IGFN1: variants seen among roughly 807,000 people sequenced by gnomAD.
IGFN1 encodes immunoglobulin like and fibronectin type III domain containing 1.
In IGFN1, 253 loss-of-function variants were observed where a neutral mutation model predicts 289.5. That is an observed-to-expected ratio of 0.87 (90% confidence interval 0.79 to 0.97). The LOEUF is 0.97. IGFN1 is among the 50% of genes least tolerant of loss of function. The probability of loss-of-function intolerance (pLI) is 0.00; values close to 1 mark genes in which losing one functional copy is unlikely to be tolerated. For missense variants in IGFN1, 4,470 were observed against 4,686.1 expected, an observed-to-expected ratio of 0.95 and a Z score of 1.35; for synonymous variants, 1,706 against 1,788.5, an observed-to-expected ratio of 0.95 and a Z score of 1.16.
intron 18 of IGFN1, among the ~76,000 whole-genome samples, chr1:201,219,551 C>T (rs1488160501): frequency 1.3e-5 from 2 of 152,196 alleles, no homozygotes; most frequent in Non-Finnish European, 2.9e-5. Context: ...CTATTAAAAG[C>T]GTCACTCCAA....
rs1360743017 is a variant in IGFN1, at chr1:201,211,257, G to A, written c.6364G>A (p.Ala2122Thr). ...APEGIGSGSK[A>T]GFRDGLGSST... is the part of the protein sequence containing the mutation. ...TGAGGGAATAGGTTCAGGAAGTAAG[G>A]CAGGTTTTAGGGATGGTTTAGGGAG... Residue 2122 changes from alanine to threonine, a missense_variant, in exon 12 of 24, where the codon GCA becomes ACA. Ala to Thr is a moderately conservative substitution (Grantham distance 58, BLOSUM62 0). Coordinates refer to ENST00000335211, the MANE Select transcript of IGFN1 (RefSeq NM_001164586.2). The A allele has an allele frequency of 4.6e-6, 7 of 1,530,552 alleles. No homozygotes were observed. Among genetic ancestry groups the A allele is most frequent in the East Asian group, 2.5e-5 (1 of 40,448 alleles). The allele number at this position is 1,530,552 out of a possible 1,614,324, so 94.8% of individuals were successfully genotyped here.
rs577651874 is a variant in IGFN1, at chr1:201,199,636, G to A, written c.440G>A (p.Arg147Gln). 115 of 1,551,538 alleles carry A rather than the reference G, an allele frequency of 7.4e-5. 1 individual carries two copies. Among genetic ancestry groups the A allele is most frequent in the East Asian group, 5.4e-4 (22 of 40,904 alleles). Reference protein sequence around the residue: ...EDLRKELMDFRKLLKKRAPPA... With the variant: ...EDLRKELMDFQKLLKKRAPPA... ...CTCAGGAAGGAGCTGATGGACTTCCGGAAGTTGCTGAAAAAGAGGTGGGTT... is the reference window on the plus strand; with the variant it reads ...CTCAGGAAGGAGCTGATGGACTTCCAGAAGTTGCTGAAAAAGAGGTGGGTT... The change falls in exon 7 of 24, where the codon CGG (arginine) becomes CAG (glutamine). Residue 147 changes from arginine to glutamine, a missense_variant. Physicochemically the swap from Arg to Gln is conservative, Grantham distance 43. This residue lies in a region of IGFN1 where 2,011 missense variants were observed against 1,953.4 expected (regional missense o/e 1.03). Transcript: ENST00000335211.
At chr1:201,223,922 A>G (rs549271356) in intron 20 of IGFN1, among the ~76,000 whole-genome samples, 2 of 152,344 alleles carry the variant, frequency 1.3e-5, no homozygotes, top group Admixed American at 1.3e-4. Context: ...CAATAATGAC[A>G]ATGATAATGA....
intron 19 of IGFN1, chr1:201,222,536 A>G (rs1653798171): frequency 4.3e-6 from 2 of 468,136 alleles, no homozygotes. Flanking sequence ...CCCCGCTAGC[A>G]TCTCCCCATC....
chr1:201,204,039 C>T (rs1367472885), intron 10 of IGFN1, 133 bp downstream of exon 10: 5 of 846,258 alleles, frequency 5.9e-6, no homozygotes, highest in Non-Finnish European at 9.0e-6. Flanking sequence ...GAGAGGGACA[C>T]ATACCTAGAT....
Position 201,221,756 on chromosome 1 carries a change from G to T in IGFN1, c.10201+10G>T. On this transcript the variant is annotated intron_variant, in intron 19 of 23. Coordinates refer to ENST00000335211, the MANE Select transcript of IGFN1 (RefSeq NM_001164586.2). ...GCCATGCCTGTTACTGGTGAGTGCT[G>T]CCTCCTTCCCCGACCCCTGAGCCCT... 1 of 1,566,274 alleles carries T rather than the reference G, an allele frequency of 6.4e-7. No homozygotes were observed. The highest frequency in any genetic ancestry group is 8.7e-7 in the Non-Finnish European group (1 of 1,152,508).
chr1:201,206,816 G>T lies in IGFN1; in HGVS notation c.1923G>T (p.Gly641=), dbSNP rs778950295. The change falls in exon 12 of 24, where the codon GGG becomes GGT. Residue 641 remains glycine (G), a synonymous_variant. Coordinates refer to ENST00000335211, the MANE Select transcript of IGFN1 (RefSeq NM_001164586.2). ...ACAGCCTGGCTGAGATGGACAGAGG[G>T]GATGCTCCAAGTAGGGAAAGGGGGA... The part of the protein sequence containing the change: ...QDDSLAEMDR[G]DAPSRERGRG... The T allele has an allele frequency of 2.1e-5, 32 of 1,536,874 alleles. No individual in the cohort carries two copies. Among genetic ancestry groups the T allele is most frequent in the Admixed American group, 2.0e-4 (10 of 50,974 alleles).
chr1:201,209,023 A>G lies in IGFN1; in HGVS notation c.4130A>G (p.Asp1377Gly), dbSNP rs751143381. 1.7e-5 allele frequency: 26 copies of G among 1,536,178 alleles called. No individual in the cohort carries two copies. The highest frequency in any genetic ancestry group is 2.1e-5 in the Non-Finnish European group (24 of 1,146,686). The change falls in exon 12 of 24, where the codon GAT (aspartate) becomes GGT (glycine). Residue 1377 changes from aspartate to glycine, a missense_variant. Coordinates refer to ENST00000335211, the MANE Select transcript of IGFN1 (RefSeq NM_001164586.2). Reference protein sequence around the residue: ...SREIGSMDETDNRKDLGVPEG... With the variant: ...SREIGSMDETGNRKDLGVPEG... ...GAAATCGGGTCAATGGATGAAACAGATAATAGGAAAGATTTGGGGGTTCCT... is the reference window on the plus strand; with the variant it reads ...GAAATCGGGTCAATGGATGAAACAGGTAATAGGAAAGATTTGGGGGTTCCT...
chr1:201,194,329 C>G, intron 3 of IGFN1, 56 bp downstream of exon 3: 1 of 1,540,140 alleles, frequency 6.5e-7, no homozygotes, highest in Non-Finnish European at 8.8e-7. Flanking sequence ...TCCTACCTCC[C>G]AGGGGAGAGG....
In IGFN1 at chr1:201,212,422, G is replaced by C. The variant is rs1195340158; in HGVS notation, c.7529G>C (p.Arg2510Thr). ...TCTTCTAGAGACAGAGGGGCTCCCA[G>C]GGTGAAGGATAGGTCTCCAGACCAA... is the stretch of plus-strand genomic sequence containing the variant. ...PGSSRDRGAP[R>T]VKDRSPDQAG... Residue 2510 changes from arginine (R) to threonine (T), a missense_variant, in exon 12 of 24, where the codon AGG becomes ACG. Physicochemically the swap from Arg to Thr is moderately conservative, Grantham distance 71. Transcript: ENST00000335211. 3 of 1,537,104 alleles carry C rather than the reference G, an allele frequency of 2.0e-6. No homozygotes were observed. Among genetic ancestry groups the C allele is most frequent in the African/African-American group, 1.4e-5 (1 of 73,134 alleles).
chr1:201,194,212 C>G lies in IGFN1; in HGVS notation c.66C>G (p.Ile22Met). Reference protein sequence around the residue: ...GVSIWQLVEEIPEGCSTPDFE... With the variant: ...GVSIWQLVEEMPEGCSTPDFE... ...GCATCTGGCAGCTGGTGGAGGAGAT[C>G]CCTGAAGGCTGCAGCACGCCGGACT... is the stretch of plus-strand genomic sequence containing the variant. Residue 22 changes from isoleucine to methionine, a missense_variant, in exon 3 of 24, where the codon ATC becomes ATG. By Grantham distance (10) the Ile-to-Met change is conservative. This residue lies in a region of IGFN1 where 2,011 missense variants were observed against 1,953.4 expected (regional missense o/e 1.03). Transcript: ENST00000335211. 1 of 1,551,648 alleles carries G rather than the reference C, an allele frequency of 6.4e-7. No homozygotes were observed. Among genetic ancestry groups the G allele is most frequent in the Non-Finnish European group, 8.7e-7 (1 of 1,146,958 alleles).
chr1:201,196,490 A>C (rs1031465986), intron 4 of IGFN1, among the ~76,000 whole-genome samples: 1 of 152,130 alleles, frequency 6.6e-6, no homozygotes, highest in Non-Finnish European at 1.5e-5. Context: ...GATTACAGGC[A>C]TGCGCCATCA....
At chr1:201,226,793 A>C in intron 22 of IGFN1, 89 bp from the exon 23 acceptor site, 2 of 993,388 alleles carry the variant, frequency 2.0e-6, no homozygotes, top group Non-Finnish European at 3.0e-6. Context: ...CCTACATGGT[A>C]GCTTCATGAA....
At chr1:201,214,113 G>A (rs1179403425) in intron 12 of IGFN1, 64 bp from the exon 13 acceptor site, 20 of 1,484,790 alleles carry the variant, frequency 1.3e-5, no homozygotes, top group Admixed American at 2.3e-5. Context: ...GTGGCCTTGC[G>A]GGGCACAGCG....
At position 201,227,188 on chromosome 1, in the gene IGFN1, C is replaced by A; in HGVS notation, c.11093C>A (p.Thr3698Asn). ...AENTLGQAVS[T>N]ATLIVIEPST ...AACACGCTGGGCCAGGCAGTCAGCA[C>A]TGCCACCCTCATTGTCATAGGTAAT... The change falls in exon 23 of 24, where the codon ACT becomes AAT. Residue 3698 changes from threonine (T) to asparagine (N), a missense_variant. Thr to Asn is a moderately conservative substitution (Grantham distance 65). Transcript: ENST00000335211. 1 of 1,598,990 alleles carries A rather than the reference C, an allele frequency of 6.3e-7. No homozygotes were observed. Among genetic ancestry groups the A allele is most frequent in the Non-Finnish European group, 8.5e-7 (1 of 1,172,640 alleles).
rs1438297294 is a variant in IGFN1 at position 201,206,531 on chromosome 1, C to T, written c.1638C>T (p.Asp546=). 1.3e-6 allele frequency: 2 copies of T among 1,551,146 alleles called. No homozygotes were observed. Among genetic ancestry groups the T allele is most frequent in the South Asian group, 1.2e-5 (1 of 84,046 alleles). Residue 546 remains aspartate (D), a synonymous_variant, in exon 12 of 24, where the codon GAC becomes GAT. Coordinates refer to ENST00000335211, the MANE Select transcript of IGFN1 (RefSeq NM_001164586.2). The part of the protein sequence containing the change: ...PEKQQQDRGR[D]SNSDECWRKA... ...AACAACAGCAAGATCGTGGCAGAGA[C>T]AGCAACAGTGATGAATGCTGGAGGA...
chr1:201,208,458 C>G lies in IGFN1; in HGVS notation c.3565C>G (p.Pro1189Ala). ...TGGTTATAGGGATGATACCAGGCACCCTGAGTCACTCGCACCTCACAATGG... is the reference window on the plus strand; with the variant it reads ...TGGTTATAGGGATGATACCAGGCACGCTGAGTCACTCGCACCTCACAATGG... ...GAGYRDDTRH[P>A]ESLAPHNGAA... The change falls in exon 12 of 24, where the codon CCT (proline) becomes GCT (alanine). Residue 1189 changes from proline to alanine, a missense_variant. Transcript: ENST00000335211. The G allele has an allele frequency of 2.1e-6, 3 of 1,445,730 alleles. No individual in the cohort carries two copies. The highest frequency in any genetic ancestry group is 1.5e-5 in the South Asian group (1 of 67,068). 89.6% of individuals were successfully genotyped at this position (1,445,730 alleles called of 1,614,324 possible). A position where few individuals can be genotyped will look rare whatever the true frequency, so the allele number is the denominator to read the frequency against.
rs751566959 is a variant in IGFN1 at position 201,226,956 on chromosome 1, C to A, written c.10861C>A (p.Arg3621=). Residue 3621 remains arginine (R), a synonymous_variant, in exon 23 of 24, where the codon CGG becomes AGG. Coordinates refer to ENST00000335211, the MANE Select transcript of IGFN1 (RefSeq NM_001164586.2). ...GAAGCCCCGGTTCCTGGTGGGCCTG[C>A]GGTCCCACCTGCTGCCCCAGGGCTG... is the stretch of plus-strand genomic sequence containing the variant. The part of the protein sequence containing the change: ...SQKPRFLVGL[R]SHLLPQGCEC... The A allele has an allele frequency of 1.9e-6, 3 of 1,612,412 alleles. No homozygotes were observed. Among genetic ancestry groups the A allele is most frequent in the Admixed American group, 3.3e-5 (2 of 59,952 alleles).
intron 20 of IGFN1, among the ~76,000 whole-genome samples, chr1:201,224,472 C>A (rs1338686019): frequency 6.6e-6 from 1 of 152,158 alleles, no homozygotes; most frequent in Non-Finnish European, 1.5e-5. Flanking sequence ...CTACCGCCCC[C>A]CTACCATACC....
Sources: allele counts gnomAD v4.1 joint callset (sites outside exome capture counted in the v4.1 genomes callset), GRCh38; gene constraint gnomAD v4.1.1; regional missense constraint gnomAD v4.1.1; transcripts MANE v1.5; gene names NCBI Gene and HGNC (gene_info 2026-07-23, HGNC 2026-07-21).